RASAL1: variants seen among roughly 807,000 people sequenced by gnomAD.
RASAL1 encodes RAS protein activator like 1.
RASAL1 carries 72 observed loss-of-function variants against 96.6 expected under a neutral mutation model. That is an observed-to-expected ratio of 0.75 (90% confidence interval 0.62 to 0.91). The LOEUF is 0.91. Ranked by LOEUF, RASAL1 falls within the 40% of genes least tolerant of loss-of-function variation. The pLI is 0.00. For synonymous variants in RASAL1, 405 were observed against 430.4 expected (o/e 0.94, Z 0.73); for missense variants, 1,016 against 1,072.5 (o/e 0.95, Z 0.74).
At chr12:113,113,057 G>C (rs1287791463) in intron 12 of RASAL1, among the ~76,000 whole-genome samples, 2 of 152,218 alleles carry the variant, frequency 1.3e-5, no homozygotes, top group African/African-American at 4.8e-5. Flanking sequence ...TGTATCGTCA[G>C]TGTTCAGCCC....
intron 14 of RASAL1, 109 bp downstream of exon 14, chr12:113,107,976 C>A: frequency 7.6e-7 from 1 of 1,317,032 alleles, no homozygotes; most frequent in Non-Finnish European, 1.0e-6. Context: ...ACTTGGGTTT[C>A]TTCGGATGTT....
rs1951072768 is a variant in RASAL1 at position 113,116,047 on chromosome 12, TC to T, written c.735del (p.Asn246ThrfsTer7). 2 of 1,580,032 alleles carry T rather than the reference TC, an allele frequency of 1.3e-6. No homozygotes were observed. Among genetic ancestry groups the T allele is most frequent in the East Asian group, 2.3e-5 (1 of 44,410 alleles). On this transcript the variant is annotated frameshift_variant, in exon 9 of 21. Transcript: ENST00000548055. LOFTEE classifies it high-confidence loss of function. ...ACCTTCACTCGCAGGGCACCCAGGT[TC>T]CCCCTGTCCAGGATCAGATCATAAG... ...PFPRAEEDSG[G>X]NLGALRVKVR...
chr12:113,105,246 C>T (rs1346888036), intron 16 of RASAL1, among the ~76,000 whole-genome samples: 1 of 152,254 alleles, frequency 6.6e-6, no homozygotes, highest in African/African-American at 2.4e-5. Flanking sequence ...ACTTCTGTAT[C>T]TCCAGTGCCT....
intron 4 of RASAL1, among the ~76,000 whole-genome samples, chr12:113,126,924 A>C (rs1235199924): frequency 6.7e-6 from 1 of 149,906 alleles, no homozygotes; most frequent in South Asian, 2.1e-4. Flanking sequence ...ATAAAGAATT[A>C]GTGTTCAGAA....
rs1172601037 is a variant in RASAL1 at position 113,115,368 on chromosome 12, G to A, written c.1004-104C>T. On this transcript the variant is annotated intron_variant, in intron 10 of 20. Coordinates refer to ENST00000548055, the MANE Select transcript of RASAL1 (RefSeq NM_001301202.2). This position sits in a 1 kb window ranked among gnomAD's most constrained non-coding sequence, Gnocchi z 4.1. ...ATGATTCTTCCAGCCCCAAGAATCA[G>A]GAAGACCCAAAACATCAACCCCATT... 1.6e-6 allele frequency: 2 copies of A among 1,214,296 alleles called. No homozygotes were observed. Among genetic ancestry groups the A allele is most frequent in the South Asian group, 1.2e-5 (1 of 81,304 alleles). 75.2% of individuals were successfully genotyped at this position (1,214,296 alleles called of 1,614,324 possible).
chr12:113,127,464 A>G (rs537588044), intron 4 of RASAL1, among the ~76,000 whole-genome samples: 2 of 152,182 alleles, frequency 1.3e-5, no homozygotes, highest in Admixed American at 1.3e-4. Flanking sequence ...TGGGCAACAT[A>G]GCAAGACTCC....
Position 113,116,060 on chromosome 12 carries a change from G to A in RASAL1, c.732-9C>T, listed in dbSNP as rs1188985059. The A allele has an allele frequency of 1.3e-6, 2 of 1,554,340 alleles. No individual in the cohort carries two copies. Among genetic ancestry groups the A allele is most frequent in the Non-Finnish European group, 1.7e-6 (2 of 1,149,536 alleles). On this transcript the variant is annotated splice_polypyrimidine_tract_variant and intron_variant, in intron 8 of 20. Transcript: ENST00000548055. ...GGGCACCCAGGTTCCCCCTGTCCAGGATCAGATCATAAGAAAATGAAAGAT... is the reference window on the plus strand; with the variant it reads ...GGGCACCCAGGTTCCCCCTGTCCAGAATCAGATCATAAGAAAATGAAAGAT...
At chr12:113,122,577 G>A (rs2136218234) in intron 4 of RASAL1, among the ~76,000 whole-genome samples, 1 of 151,864 alleles carries the variant, frequency 6.6e-6, no homozygotes, top group East Asian at 1.9e-4. Context: ...TGCCTGCCTT[G>A]GCCTCCCAAA....
chr12:113,121,726 ATTTT>A (rs368508759), intron 4 of RASAL1, 88 bp from the exon 5 acceptor site: 9 of 1,189,838 alleles, frequency 7.6e-6, no homozygotes, highest in African/African-American at 4.7e-5. Context: ...CATTATTTTC[ATTTT>A]TTTTTTTTTG....
In RASAL1 at chr12:113,108,121, G is replaced by A. The variant is rs761730867; in HGVS notation, c.1476C>T (p.Asp492=). 7.4e-6 allele frequency: 12 copies of A among 1,613,784 alleles called. No homozygotes were observed. The East Asian group carries it at 1.3e-4, about 18-fold the overall frequency. Residue 492 remains aspartate, a synonymous_variant, in exon 14 of 21, where the codon GAC becomes GAT. Transcript: ENST00000548055. ...KLFDLRDQHA[D]PQTSRSLLLL... The stretch of plus-strand genomic sequence containing the variant: ...ACAGCAGTGAGCGGCTAGTCTGGGG[G>A]TCCGCGTGTTGGTCCCGAAGGTCAA...
rs912390859 is a variant in RASAL1, at chr12:113,100,082, A to G, written c.2279-14T>C. 1.1e-5 allele frequency: 17 copies of G among 1,589,502 alleles called. No individual in the cohort carries two copies. The highest frequency in any genetic ancestry group is 1.5e-5 in the Non-Finnish European group (17 of 1,166,188). On this transcript the variant is annotated splice_polypyrimidine_tract_variant and intron_variant, in intron 20 of 20. Coordinates refer to ENST00000548055, the MANE Select transcript of RASAL1 (RefSeq NM_001301202.2). ...CAGGACAGGCCCCTAGGAGGGAGAC[A>G]AGAGGCCACAGGGGCTCAGCCAGTC...
chr12:113,108,127 G>C lies in RASAL1; in HGVS notation c.1470C>G (p.His490Gln), dbSNP rs1396548117. Reference protein sequence around the residue: ...TPKLFDLRDQHADPQTSRSLL... With the variant: ...TPKLFDLRDQQADPQTSRSLL... ...GTGAGCGGCTAGTCTGGGGGTCCGC[G>C]TGTTGGTCCCGAAGGTCAAACAGCT... is the stretch of plus-strand genomic sequence containing the variant. The change falls in exon 14 of 21, where the codon CAC becomes CAG. Residue 490 changes from histidine to glutamine, a missense_variant. By Grantham distance (24) the His-to-Gln change is conservative (BLOSUM62 0). Transcript: ENST00000548055. 1.3e-5 allele frequency: 21 copies of C among 1,613,694 alleles called. No homozygotes were observed. Among genetic ancestry groups the C allele is most frequent in the Non-Finnish European group, 1.7e-5 (20 of 1,179,930 alleles).
At chr12:113,103,881 A>T (rs1167173593) in intron 18 of RASAL1, 65 bp downstream of exon 18, 1 of 1,538,406 alleles carries the variant, frequency 6.5e-7, no homozygotes, top group South Asian at 1.2e-5. Flanking sequence ...GCCCAGGCGG[A>T]AGTGGGACAC....
chr12:113,103,343 G>C (rs150016253), intron 18 of RASAL1, among the ~76,000 whole-genome samples: 16,978 of 151,832 alleles, frequency 0.11, 1,125 homozygotes, highest in Middle Eastern at 0.19. Context: ...CGGTGGCTCA[G>C]GCCTGTAATC....
chr12:113,115,843 T>A lies in RASAL1; in HGVS notation c.850-55A>T. On this transcript the variant is annotated intron_variant, in intron 9 of 20. Coordinates refer to ENST00000548055, the MANE Select transcript of RASAL1 (RefSeq NM_001301202.2). The surrounding 1 kb of genome is among the most constrained non-coding windows in gnomAD (Gnocchi z 4.1). ...TCGGCCCCTGGGACCCCAAAGCAGA[T>A]GGGCCTAGATAGGGCTCCGTGAGGC... 1 of 1,602,920 alleles carries A rather than the reference T, an allele frequency of 6.2e-7. No homozygotes were observed. The highest frequency in any genetic ancestry group is 8.5e-7 in the Non-Finnish European group (1 of 1,172,644).
chr12:113,123,962 G>A (rs1951391997), intron 4 of RASAL1, among the ~76,000 whole-genome samples: 1 of 151,682 alleles, frequency 6.6e-6, no homozygotes, highest in Non-Finnish European at 1.5e-5. Flanking sequence ...GTTCACACCT[G>A]TAATCCCAAA....
chr12:113,120,724 C>T (rs960707558), intron 5 of RASAL1, among the ~76,000 whole-genome samples: 1 of 152,084 alleles, frequency 6.6e-6, no homozygotes, highest in Non-Finnish European at 1.5e-5. Context: ...TGAGCTGGTG[C>T]CCCTAGAGGG....
chr12:113,108,655 T>G (rs1489709891), intron 13 of RASAL1, among the ~76,000 whole-genome samples: 1 of 152,126 alleles, frequency 6.6e-6, no homozygotes, highest in African/African-American at 2.4e-5. Flanking sequence ...GCAGGATGGA[T>G]ACCTCTCTAT....
In RASAL1 at chr12:113,127,869, C is replaced by T. The variant is rs748035988; in HGVS notation, c.241G>A (p.Asp81Asn). 16 of 1,613,316 alleles carry T rather than the reference C, an allele frequency of 9.9e-6. No homozygotes were observed. The highest frequency in any genetic ancestry group is 3.3e-5 in the South Asian group (3 of 91,052). ...YVLDEDTVGHDDIIGKISLSR... is the reference protein window; with the variant it reads ...YVLDEDTVGHNDIIGKISLSR... ...AGCGAGATCTTGCCGATGATGTCGTCGTGCCTGCAGGAAGGCGGGCACGTG... is the reference window on the plus strand; with the variant it reads ...AGCGAGATCTTGCCGATGATGTCGTTGTGCCTGCAGGAAGGCGGGCACGTG... Residue 81 changes from aspartate (D) to asparagine (N), a missense_variant, in exon 4 of 21, where the codon GAC becomes AAC. By Grantham distance (23) the Asp-to-Asn change is conservative. Transcript: ENST00000548055.
Sources: allele counts gnomAD v4.1 joint callset (sites outside exome capture counted in the v4.1 genomes callset), GRCh38; gene constraint gnomAD v4.1.1; non-coding constraint Gnocchi (gnomAD v3.1); transcripts MANE v1.5; gene names NCBI Gene and HGNC (gene_info 2026-07-23, HGNC 2026-07-21).